Variants in CNTNAP5 observed in about 807,000 individuals in gnomAD.
The protein encoded by CNTNAP5 is contactin associated protein family member 5.
In CNTNAP5, 72 loss-of-function variants were observed where a neutral mutation model predicts 150.2. The observed-to-expected ratio is 0.48, with a 90% CI of 0.40 to 0.58. The LOEUF is 0.58. Among genes scored for constraint, CNTNAP5 ranks in the 20% least tolerant of loss-of-function variants. The pLI, the probability that CNTNAP5 is intolerant of heterozygous loss-of-function variation, is 0.00. For missense variants in CNTNAP5, 1,636 were observed against 1,626.2 expected (o/e 1.01, Z -0.10); for synonymous variants, 672 against 619.8 (o/e 1.08, Z -1.25).
intron 3 of CNTNAP5, among the ~76,000 whole-genome samples, chr2:124,400,689 G>GTTTTTTT (rs3034760): frequency 1.0e-5 from 1 of 95,692 alleles, no homozygotes; most frequent in Non-Finnish European, 2.2e-5. Flanking sequence ...TTTTTTTTTT[G>GTTTTTTT]TTTTTTTTCT....
intron 1 of CNTNAP5, among the ~76,000 whole-genome samples, chr2:124,048,743 G>A (rs1476934089): frequency 1.3e-5 from 2 of 152,184 alleles, no homozygotes; most frequent in Non-Finnish European, 2.9e-5. Context: ...TTGACAGTGT[G>A]CATGCTCAGA....
chr2:124,790,797 G>A (rs919277033), intron 18 of CNTNAP5, among the ~76,000 whole-genome samples: 2 of 151,982 alleles, frequency 1.3e-5, no homozygotes, highest in African/African-American at 2.4e-5. Context: ...TAATAATCAC[G>A]GATATACACC....
At chr2:124,270,263 T>G (rs1338610044) in intron 3 of CNTNAP5, among the ~76,000 whole-genome samples, 1 of 151,872 alleles carries the variant, frequency 6.6e-6, no homozygotes, top group East Asian at 1.9e-4. Flanking sequence ...GAGCCGAGAT[T>G]GCACCACTAC....
At chr2:124,062,590 C>T (rs534450022) in intron 1 of CNTNAP5, among the ~76,000 whole-genome samples, 14 of 152,150 alleles carry the variant, frequency 9.2e-5, no homozygotes, top group Non-Finnish European at 1.3e-4. Flanking sequence ...GTACCTATTA[C>T]GGGCTCCAGA....
intron 3 of CNTNAP5, among the ~76,000 whole-genome samples, chr2:124,374,560 G>A (rs60724001): frequency 0.047 from 7,135 of 152,210 alleles, 507 homozygotes; most frequent in African/African-American, 0.15. Context: ...TAGGAAAGTA[G>A]AGAAAACAGA....
chr2:124,284,530 G>A (rs990363258), intron 3 of CNTNAP5, among the ~76,000 whole-genome samples: 7 of 152,050 alleles, frequency 4.6e-5, no homozygotes, highest in African/African-American at 1.7e-4. Flanking sequence ...TAGGCGATGG[G>A]TTGATAGGTA....
At chr2:124,864,289 T>C (rs951336088) in intron 19 of CNTNAP5, among the ~76,000 whole-genome samples, 2 of 152,162 alleles carry the variant, frequency 1.3e-5, no homozygotes, top group African/African-American at 4.8e-5. Context: ...TCAATACATA[T>C]ATGTATAGTG....
At chr2:124,724,732 A>G (rs1680120581) in intron 13 of CNTNAP5, among the ~76,000 whole-genome samples, 1 of 151,970 alleles carries the variant, frequency 6.6e-6, no homozygotes, top group African/African-American at 2.4e-5. Context: ...CTCTCTATCA[A>G]GAACTCACCC....
At chr2:124,129,632 G>T (rs11896568) in intron 1 of CNTNAP5, among the ~76,000 whole-genome samples, 45,154 of 152,058 alleles carry the variant, frequency 0.3, 7,282 homozygotes, top group Admixed American at 0.38. Context: ...GTTAAAGATG[G>T]TATTAAATAT....
chr2:124,673,329 G>A (rs1028053706), intron 13 of CNTNAP5, among the ~76,000 whole-genome samples: 2 of 152,038 alleles, frequency 1.3e-5, no homozygotes, highest in African/African-American at 2.4e-5. Flanking sequence ...TGCAGTGATG[G>A]CACTGATGAC....
At chr2:124,181,425 A>G (rs1399653902) in intron 1 of CNTNAP5, among the ~76,000 whole-genome samples, 1 of 151,808 alleles carries the variant, frequency 6.6e-6, no homozygotes, top group Non-Finnish European at 1.5e-5. Context: ...TAAATTACCT[A>G]TGTGCAAATA....
chr2:124,733,542 A>ATTT (rs999619044), intron 13 of CNTNAP5, among the ~76,000 whole-genome samples: 13 of 150,638 alleles, frequency 8.6e-5, no homozygotes, highest in Admixed American at 8.6e-4. Flanking sequence ...AACGAACAAG[A>ATTT]TTTTTTTTTT....
intron 1 of CNTNAP5, among the ~76,000 whole-genome samples, chr2:124,066,069 G>A (rs1682143689): frequency 2.6e-5 from 4 of 152,154 alleles, no homozygotes; most frequent in Admixed American, 2.6e-4. Flanking sequence ...GTCTGCCTGA[G>A]TGCTTAGGTT....
intron 6 of CNTNAP5, among the ~76,000 whole-genome samples, chr2:124,473,015 A>G (rs1459466525): frequency 6.6e-6 from 1 of 152,064 alleles, no homozygotes; most frequent in East Asian, 1.9e-4. Flanking sequence ...ATGATTTAAT[A>G]TAAAAGTATA....
At chr2:124,910,325 T>C (rs562672012) in intron 22 of CNTNAP5, among the ~76,000 whole-genome samples, 10 of 152,100 alleles carry the variant, frequency 6.6e-5, no homozygotes, top group Non-Finnish European at 1.5e-4. Context: ...TAATTAATAG[T>C]AAGCAAAATT....
intron 3 of CNTNAP5, among the ~76,000 whole-genome samples, chr2:124,281,660 C>A (rs2104623592): frequency 6.6e-6 from 1 of 152,238 alleles, no homozygotes; most frequent in Admixed American, 6.5e-5. Context: ...GGAAACTTGG[C>A]AAATGTGGTT....
At chr2:124,251,142 C>T (rs1310765918) in intron 3 of CNTNAP5, among the ~76,000 whole-genome samples, 3 of 152,124 alleles carry the variant, frequency 2.0e-5, no homozygotes, top group Admixed American at 6.6e-5. Context: ...GCTGTGGCTG[C>T]TCTTGGAATC....
intron 1 of CNTNAP5, among the ~76,000 whole-genome samples, chr2:124,146,617 A>G (rs1684259927): frequency 6.6e-6 from 1 of 152,182 alleles, no homozygotes; most frequent in Non-Finnish European, 1.5e-5. Flanking sequence ...TAAAATTTCT[A>G]CTTCCAAAGA....
chr2:124,713,617 C>T (rs1287233182), intron 13 of CNTNAP5, among the ~76,000 whole-genome samples: 2 of 151,968 alleles, frequency 1.3e-5, no homozygotes, highest in East Asian at 3.9e-4. Context: ...CTCAAGTGAT[C>T]CACCCGCATT....
Sources: allele counts gnomAD v4.1 joint callset (sites outside exome capture counted in the v4.1 genomes callset), GRCh38; gene constraint gnomAD v4.1.1; transcripts MANE v1.5; gene names NCBI Gene and HGNC (gene_info 2026-07-23, HGNC 2026-07-21).